GABRB2: variants seen among roughly 807,000 people sequenced by gnomAD.
The protein encoded by GABRB2 is gamma-aminobutyric acid type A receptor subunit beta2, also known as gamma-aminobutyric acid receptor subunit beta-2.
In GABRB2, 16 loss-of-function variants were observed where a neutral mutation model predicts 54.7. That is an observed-to-expected ratio of 0.29 (90% CI 0.20 to 0.44). GABRB2 has a LOEUF of 0.44. Ranked by LOEUF, GABRB2 falls within the 20% of genes least tolerant of loss-of-function variation. The probability of loss-of-function intolerance (pLI) is 1.00; values close to 1 mark genes in which losing one functional copy is unlikely to be tolerated. For synonymous variants in GABRB2, 244 were observed against 233.8 expected (o/e 1.04, Z -0.40); for missense variants, 355 against 644.0 (o/e 0.55, Z 4.86).
chr5:161,474,596 A>G (rs1281929983), intron 3 of GABRB2, among the ~76,000 whole-genome samples: 1 of 151,982 alleles, frequency 6.6e-6, no homozygotes, highest in East Asian at 1.9e-4. Context: ...CAGAAGAAAC[A>G]CATTTTCAGA....
chr5:161,499,818 A>G (rs1424566597), intron 3 of GABRB2, among the ~76,000 whole-genome samples: 1 of 152,198 alleles, frequency 6.6e-6, no homozygotes, highest in Non-Finnish European at 1.5e-5. Context: ...CATGGTGAAC[A>G]TGAATGCTTC....
At chr5:161,506,146 G>A (rs967639902) in intron 3 of GABRB2, among the ~76,000 whole-genome samples, 1 of 151,856 alleles carries the variant, frequency 6.6e-6, no homozygotes, top group Non-Finnish European at 1.5e-5. Flanking sequence ...TATACATCAG[G>A]AAAATAAATT....
rs951501367 is a variant in GABRB2, at chr5:161,294,053, G to C, written c.*28C>G. 4 of 1,549,476 alleles carry C rather than the reference G, an allele frequency of 2.6e-6. No individual in the cohort carries two copies. The highest frequency in any genetic ancestry group is 3.5e-6 in the Non-Finnish European group (4 of 1,127,392). On this transcript the variant is annotated 3_prime_UTR_variant, in exon 10 of 10. Coordinates refer to ENST00000393959, the MANE Select transcript of GABRB2 (RefSeq NM_001371727.1). Reference sequence around the variant, plus strand: ...TACAACTGGTTTGAGGAGGAATCTAGTCCTTGCTTCCAGTGGGAGGCCATG... The same window carrying C: ...TACAACTGGTTTGAGGAGGAATCTACTCCTTGCTTCCAGTGGGAGGCCATG...
At chr5:161,371,250 A>G (rs1755123848) in intron 5 of GABRB2, among the ~76,000 whole-genome samples, 1 of 152,194 alleles carries the variant, frequency 6.6e-6, no homozygotes, top group Non-Finnish European at 1.5e-5. Context: ...GAAAGACCTC[A>G]AAGTTAAAAG....
Position 161,439,013 on chromosome 5 carries a change from C to T in GABRB2, c.458+20611G>A, listed in dbSNP as rs897697704. On this transcript the variant is annotated intron_variant, in intron 4 of 9. Transcript: ENST00000393959. ...AAAGTGATAATAATAGAGAACTTCC[C>T]AAACCTAGAGACAGATAATATCCAA... 2.6e-5 allele frequency among the ~76,000 whole-genome samples: 4 copies of T among 152,138 alleles called. No homozygotes were observed. The East Asian group carries it at 5.8e-4, about 22-fold the overall frequency.
chr5:161,477,074 C>T (rs1758613106), intron 3 of GABRB2, among the ~76,000 whole-genome samples: 4 of 151,624 alleles, frequency 2.6e-5, no homozygotes, highest in Admixed American at 2.6e-4. Context: ...AAAACTCCTA[C>T]AACTCATAAC....
intron 3 of GABRB2, among the ~76,000 whole-genome samples, chr5:161,544,649 C>T (rs544860269): frequency 2.6e-5 from 4 of 152,168 alleles, no homozygotes; most frequent in South Asian, 2.1e-4. Context: ...TGGGTCTGAG[C>T]CTACCTTTTA....
chr5:161,453,003 A>C (rs1401106867), intron 4 of GABRB2, among the ~76,000 whole-genome samples: 1 of 152,172 alleles, frequency 6.6e-6, no homozygotes, highest in African/African-American at 2.4e-5. Flanking sequence ...CTCACACACA[A>C]AAAAATTTCT....
intron 9 of GABRB2, among the ~76,000 whole-genome samples, chr5:161,307,838 T>A (rs1363078674): frequency 6.6e-6 from 1 of 151,738 alleles, no homozygotes; most frequent in African/African-American, 2.4e-5. Flanking sequence ...AATTCATTGA[T>A]TTATATAGGC....
intron 5 of GABRB2, among the ~76,000 whole-genome samples, chr5:161,401,230 G>C (rs947380640): frequency 5.3e-5 from 8 of 152,188 alleles, no homozygotes; most frequent in Admixed American, 2.0e-4. Flanking sequence ...TTTCACTTGT[G>C]AGAGTGGGAG....
chr5:161,390,291 A>G (rs1755780455), intron 5 of GABRB2, among the ~76,000 whole-genome samples: 1 of 152,082 alleles, frequency 6.6e-6, no homozygotes, highest in Non-Finnish European at 1.5e-5. Flanking sequence ...TGATGAGAAA[A>G]TACCAGACAG....
intron 3 of GABRB2, among the ~76,000 whole-genome samples, chr5:161,518,460 A>C (rs1293789680): frequency 6.6e-6 from 1 of 152,222 alleles, no homozygotes; most frequent in African/African-American, 2.4e-5. Context: ...ATAGTAAATT[A>C]AAATCTTCTG....
At chr5:161,544,357 G>T (rs911890584) in intron 3 of GABRB2, among the ~76,000 whole-genome samples, 15 of 152,130 alleles carry the variant, frequency 9.9e-5, no homozygotes, top group African/African-American at 3.1e-4. Flanking sequence ...TAAAAACACA[G>T]AGTAGAAAAG....
intron 9 of GABRB2, among the ~76,000 whole-genome samples, chr5:161,308,676 T>G (rs1862151): frequency 0.07 from 10,645 of 152,150 alleles, 581 homozygotes; most frequent in Admixed American, 0.16. Flanking sequence ...CATATACCAA[T>G]GGAGCAGAAT....
At chr5:161,353,313 A>G (rs1754525608) in intron 5 of GABRB2, among the ~76,000 whole-genome samples, 2 of 152,012 alleles carry the variant, frequency 1.3e-5, no homozygotes, top group African/African-American at 4.8e-5. Context: ...TATCTGATAA[A>G]GTAATATACC....
chr5:161,317,262 A>G (rs1362770519), intron 9 of GABRB2, among the ~76,000 whole-genome samples: 1 of 152,210 alleles, frequency 6.6e-6, no homozygotes, highest in Non-Finnish European at 1.5e-5. Flanking sequence ...GACCATTATT[A>G]AATGTATGCA....
At chr5:161,446,906 T>C (rs1010065225) in intron 4 of GABRB2, among the ~76,000 whole-genome samples, 75 of 152,156 alleles carry the variant, frequency 4.9e-4, no homozygotes, top group African/African-American at 1.7e-3. Context: ...TTTATCTTCC[T>C]GTATCTCCAA....
chr5:161,484,794 G>A (rs1337335198), intron 3 of GABRB2, among the ~76,000 whole-genome samples: 1 of 151,872 alleles, frequency 6.6e-6, no homozygotes, highest in Non-Finnish European at 1.5e-5. Flanking sequence ...ATCTGGCCTT[G>A]TTACCTCTAA....
intron 5 of GABRB2, among the ~76,000 whole-genome samples, chr5:161,397,570 C>T (rs1298217481): frequency 6.6e-6 from 1 of 152,010 alleles, no homozygotes; most frequent in African/African-American, 2.4e-5. Flanking sequence ...TCCTGTTTAT[C>T]AGAAACAAAT....
Sources: allele counts gnomAD v4.1 joint callset (sites outside exome capture counted in the v4.1 genomes callset), GRCh38; gene constraint gnomAD v4.1.1; transcripts MANE v1.5; gene names NCBI Gene and HGNC (gene_info 2026-07-23, HGNC 2026-07-21).